Variants in ZDHHC11 observed in about 807,000 individuals in gnomAD.
ZDHHC11 encodes zDHHC palmitoyltransferase 11, also known as palmitoyltransferase ZDHHC11.
Under a neutral mutation model 51.3 loss-of-function variants are expected in ZDHHC11, and 44 were observed. That is an observed-to-expected ratio of 0.86 (90% confidence interval 0.67 to 1.10). The LOEUF is 1.10. Ranked by LOEUF, ZDHHC11 falls within the 50% of genes least tolerant of loss-of-function variation. The probability of loss-of-function intolerance (pLI) is 0.00; values close to 1 mark genes in which losing one functional copy is unlikely to be tolerated. For missense variants in ZDHHC11, 400 were observed against 537.7 expected, an observed-to-expected ratio of 0.74 and a Z score of 2.53; for synonymous variants, 163 against 222.0, an observed-to-expected ratio of 0.73 and a Z score of 2.36.
In ZDHHC11 at chr5:829,845, T is replaced by G. The variant is rs1267531112; in HGVS notation, c.935+3928A>C. ...GCAGGAATGGTTTAATATATGCAAG[T>G]CAATAAATGTGATACCTCACATAAA... On this transcript the variant is annotated intron_variant, in intron 7 of 12. Transcript: ENST00000283441. 4.6e-5 allele frequency among the ~76,000 whole-genome samples: 7 copies of G among 151,444 alleles called. No homozygotes were observed. In the East Asian group the frequency reaches 1.2e-3, roughly 25 times the overall value.
At chr5:842,004 G>A (rs1394655395) in intron 4 of ZDHHC11, 2 of 988,272 alleles carry the variant, frequency 2.0e-6, no homozygotes, top group Non-Finnish European at 2.4e-6. Context: ...GCCCCCCTTA[G>A]CCAGTGACAT....
intron 1 of ZDHHC11, 67 bp downstream of exon 1, chr5:850,314 G>T (rs753008398): frequency 7.1e-6 from 11 of 1,543,722 alleles, no homozygotes; most frequent in Non-Finnish European, 8.8e-6. Flanking sequence ...AGACCCCACA[G>T]CCAGGTCCAT....
rs559139053 is a variant in ZDHHC11, at chr5:824,001, G to A, written c.1023+1163C>T. On this transcript the variant is annotated intron_variant, in intron 8 of 12. Transcript: ENST00000283441. ...CAAGGGGCAAGGCTTGGACACCAGC[G>A]TCGCTGTTCCTCCAGGCTGGGCTGA... 4.4e-5 allele frequency: 20 copies of A among 451,332 alleles called. 3 individuals carry two copies. Among genetic ancestry groups the A allele is most frequent in the South Asian group, 1.9e-4 (12 of 64,058 alleles). The allele number at this position is 451,332 out of a possible 1,614,324, so 28.0% of individuals were successfully genotyped here. A position where few individuals can be genotyped will look rare whatever the true frequency, so the allele number is the denominator to read the frequency against.
intron 1 of ZDHHC11, among the ~76,000 whole-genome samples, chr5:858,589 C>T (rs1748610803): frequency 1.3e-5 from 2 of 152,170 alleles, no homozygotes. Flanking sequence ...CATATCCTCA[C>T]TCTCCTCCAG....
chr5:837,313 C>T, intron 6 of ZDHHC11, 52 bp downstream of exon 6: 3 of 1,606,016 alleles, frequency 1.9e-6, no homozygotes, highest in Non-Finnish European at 2.6e-6. Context: ...CACCGAGTGA[C>T]CTTAGACATT....
chr5:820,738 C>T (rs1420616310), intron 9 of ZDHHC11, among the ~76,000 whole-genome samples: 1 of 151,272 alleles, frequency 6.6e-6, no homozygotes, highest in East Asian at 1.9e-4. Flanking sequence ...AGGAACTGGA[C>T]AAAGTCATCT....
chr5:851,117 C>T (rs922915008), upstream of ZDHHC11: 5 of 163,432 alleles, frequency 3.1e-5, no homozygotes, highest in Admixed American at 2.3e-4. Flanking sequence ...AGCCGTTACT[C>T]ACTGGTGCAA....
intron 10 of ZDHHC11, chr5:816,474 G>T: frequency 2.0e-6 from 1 of 490,494 alleles, no homozygotes. Context: ...TAAGTGATAT[G>T]CCTGGAAAAA....
At chr5:858,148 G>A (rs1353080087) in intron 1 of ZDHHC11, among the ~76,000 whole-genome samples, 6 of 124,800 alleles carry the variant, frequency 4.8e-5, no homozygotes, top group African/African-American at 1.9e-4. Context: ...GGTCCCCCGG[G>A]TCTGTCCCGG....
At chr5:829,650 T>A (rs1742819117) in intron 7 of ZDHHC11, among the ~76,000 whole-genome samples, 1 of 151,396 alleles carries the variant, frequency 6.6e-6, no homozygotes, top group African/African-American at 2.4e-5. Flanking sequence ...GAAGCCAGTA[T>A]CACCTTAATA....
rs1484836489 is a variant in ZDHHC11, at chr5:795,671, A to T, written c.*917T>A. 1 of 154,116 alleles carries T rather than the reference A, an allele frequency of 6.5e-6. No homozygotes were observed. The highest frequency in any genetic ancestry group is 1.5e-5 in the Non-Finnish European group (1 of 67,960). The allele number at this position is 154,116 out of a possible 1,614,324, so 9.5% of individuals were successfully genotyped here. A position where few individuals can be genotyped will look rare whatever the true frequency, so the allele number is the denominator to read the frequency against. On this transcript the variant is annotated 3_prime_UTR_variant, in exon 13 of 13. Transcript: ENST00000283441. ...CTTTTAAAAAATGACTACTAAACAG[A>T]TTAAAATGCAGAGTTCATTAAAATA...
At position 858,418 on chromosome 5, in the gene ZDHHC11, C is replaced by T. The variant is rs763966799; in HGVS notation, c.-1+456G>A. ...GGTCCCCGTCCTGTCTTTATGACAC[C>T]GTGGTCCCTGAATCTATCCTGGTCC... is the stretch of plus-strand genomic sequence containing the variant. On this transcript the variant is annotated intron_variant, in intron 1 of 3. Transcript: ENST00000685990. 5.1e-4 allele frequency among the ~76,000 whole-genome samples: 77 copies of T among 151,592 alleles called. 1 individual carries two copies. The highest frequency in any genetic ancestry group is 1.8e-4 in the Non-Finnish European group (12 of 67,992).
chr5:801,860 G>A (rs1428497557), intron 11 of ZDHHC11, among the ~76,000 whole-genome samples: 30 of 151,426 alleles, frequency 2.0e-4, no homozygotes, highest in East Asian at 7.7e-4. Context: ...TCAAAACTGC[G>A]TATCCATCAC....
chr5:825,711 C>A (rs1424588230), intron 7 of ZDHHC11, among the ~76,000 whole-genome samples: 1 of 152,178 alleles, frequency 6.6e-6, no homozygotes, highest in East Asian at 1.9e-4. Context: ...ATGCCATAGG[C>A]CACTGCAAAT....
upstream of ZDHHC11, among the ~76,000 whole-genome samples, chr5:860,455 G>A (rs1030509141): frequency 7.2e-5 from 11 of 152,154 alleles, no homozygotes; most frequent in African/African-American, 2.7e-4. The surrounding 1 kb of genome is among the most constrained non-coding windows in gnomAD (Gnocchi z 4.2). Context: ...TCTAAAGATT[G>A]AGGCAAACAC....
chr5:837,989 C>T (rs1157688218), intron 5 of ZDHHC11, among the ~76,000 whole-genome samples: 1 of 151,954 alleles, frequency 6.6e-6, no homozygotes, highest in Admixed American at 6.5e-5. Flanking sequence ...AGTCGGAGGA[C>T]CACGCAGTGG....
upstream of ZDHHC11, among the ~76,000 whole-genome samples, chr5:854,117 G>GC (rs1747755898): frequency 6.9e-6 from 1 of 145,280 alleles, no homozygotes. Flanking sequence ...AGGACAGTGA[G>GC]GAGCGGGGAC....
chr5:848,730 A>G, intron 1 of ZDHHC11, 70 bp from the exon 2 acceptor site: 1 of 1,584,090 alleles, frequency 6.3e-7, no homozygotes, highest in Non-Finnish European at 8.6e-7. Flanking sequence ...GTGAGGCCCA[A>G]GGGCCCAGAA....
rs572229015 is a variant in ZDHHC11, at chr5:845,101, G to C, written c.504-1377C>G. On this transcript the variant is annotated intron_variant, in intron 3 of 12. Coordinates refer to ENST00000283441, the MANE Select transcript of ZDHHC11 (RefSeq NM_024786.3). Reference sequence around the variant, plus strand: ...CAGTTAGGGCACAGCTGCCTTCCCCGCGCTCCTCCTCCCTCCAAGAGTCTT... The same window carrying C: ...CAGTTAGGGCACAGCTGCCTTCCCCCCGCTCCTCCTCCCTCCAAGAGTCTT... Among the ~76,000 whole-genome samples, 65 of 152,370 alleles carry C rather than the reference G, an allele frequency of 4.3e-4. No individual in the cohort carries two copies. In the South Asian group the frequency reaches 5.0e-3, roughly 12 times the overall value.
Sources: gnomAD v4.1 joint callset for allele counts (sites outside exome capture counted in the v4.1 genomes callset) on GRCh38, gnomAD v4.1.1 for gene constraint, Gnocchi (gnomAD v3.1) non-coding constraint, MANE v1.5 for transcripts, NCBI Gene and HGNC (gene_info 2026-07-23, HGNC 2026-07-21) for gene names.